Variants in CNDP2 observed in about 807,000 individuals in gnomAD.
The protein encoded by CNDP2 is carnosine dipeptidase 2.
CNDP2 carries 38 observed loss-of-function variants against 55.0 expected under a neutral mutation model. That is an observed-to-expected ratio of 0.69 (90% CI 0.53 to 0.90). The LOEUF (loss-of-function observed/expected upper bound fraction) is 0.90, where lower values mean the gene tolerates loss of function less well. Ranked by LOEUF, CNDP2 falls within the 40% of genes least tolerant of loss-of-function variation. CNDP2 has a pLI of 0.00. For missense variants in CNDP2, 607 were observed against 621.7 expected, an observed-to-expected ratio of 0.98 and a Z score of 0.25; for synonymous variants, 241 against 260.2, an observed-to-expected ratio of 0.93 and a Z score of 0.71.
At chr18:74,518,721 T>C in intron 10 of CNDP2, 81 bp downstream of exon 10, 2 of 1,584,094 alleles carry the variant, frequency 1.3e-6, no homozygotes, top group Non-Finnish European at 1.7e-6. Context: ...CGTGGGCGTG[T>C]AGCTATGTCG....
At chr18:74,497,275 G>A (rs554139987) in intron 1 of CNDP2, among the ~76,000 whole-genome samples, 2 of 152,268 alleles carry the variant, frequency 1.3e-5, no homozygotes, top group Admixed American at 6.5e-5. Context: ...TTATGCTTAG[G>A]GATCAAGTTC....
chr18:74,519,172 T>C, intron 11 of CNDP2, 76 bp downstream of exon 11: 1 of 1,499,218 alleles, frequency 6.7e-7, no homozygotes, highest in South Asian at 1.4e-5. Flanking sequence ...TCCCCCCGTG[T>C]GCAGCTGCCA....
chr18:74,519,988 C>T lies in CNDP2; in HGVS notation c.1359-11C>T. The T allele has an allele frequency of 6.2e-7, 1 of 1,613,382 alleles. No individual in the cohort carries two copies. The highest frequency in any genetic ancestry group is 1.1e-5 in the South Asian group (1 of 90,888). Reference sequence around the variant, plus strand: ...CACCAGCCAACACAATGATGTGTTCCTCTCTACCAGGTATAACTACATAGA... The same window carrying T: ...CACCAGCCAACACAATGATGTGTTCTTCTCTACCAGGTATAACTACATAGA... On this transcript the variant is annotated splice_polypyrimidine_tract_variant and intron_variant, in intron 11 of 11. Coordinates refer to ENST00000324262, the MANE Select transcript of CNDP2 (RefSeq NM_018235.3).
chr18:74,505,962 C>G lies in CNDP2; in HGVS notation c.318C>G (p.Ala106=), dbSNP rs750584245. 2 of 1,609,568 alleles carry G rather than the reference C, an allele frequency of 1.2e-6. No homozygotes were observed. Among genetic ancestry groups the G allele is most frequent in the East Asian group, 4.5e-5 (2 of 44,796 alleles). ...IYGHLDVQPA[A]LEDGWDSEPF... is the part of the protein sequence containing the mutation. ...GGCACCTGGATGTGCAGCCTGCAGC[C>G]CTGGAGGACGGCTGGGACAGCGAGC... The change falls in exon 4 of 12, where the codon GCC becomes GCG. Residue 106 remains alanine, a synonymous_variant. Coordinates refer to ENST00000324262, the MANE Select transcript of CNDP2 (RefSeq NM_018235.3).
intron 1 of CNDP2, chr18:74,499,595 T>A (rs1019876521): frequency 3.8e-5 from 8 of 209,604 alleles, no homozygotes; most frequent in Non-Finnish European, 6.7e-5. Context: ...AGTGTAAAAA[T>A]TTTTATTAAA....
At chr18:74,504,235 C>T (rs1338056938) in intron 3 of CNDP2, among the ~76,000 whole-genome samples, 1 of 149,414 alleles carries the variant, frequency 6.7e-6, no homozygotes, top group Non-Finnish European at 1.5e-5. Context: ...GCCACACACG[C>T]AGCCACAGTG....
chr18:74,503,096 T>C (rs1306433220), intron 3 of CNDP2, among the ~76,000 whole-genome samples: 1 of 149,558 alleles, frequency 6.7e-6, no homozygotes, highest in East Asian at 2.0e-4. Context: ...TCCTAATATA[T>C]TGAAAAATCT....
At chr18:74,504,993 C>T (rs994125458) in intron 3 of CNDP2, 1 of 152,210 alleles carries the variant, frequency 6.6e-6, no homozygotes, top group African/African-American at 2.4e-5. Flanking sequence ...GTCCCATTCT[C>T]CATTCCTATG....
In CNDP2 at chr18:74,513,653, C is replaced by T. The variant is rs532729183; in HGVS notation, c.837C>T (p.Asp279=). Residue 279 remains aspartate (D), a synonymous_variant, in exon 8 of 12, where the codon GAC becomes GAT. Transcript: ENST00000324262. ...VTEEEHKLYD[D]IDFDIEEFAK... ...AAGAGGAGCACAAGCTGTACGACGA[C>T]ATCGACTTTGACATAGAGGAGTTTG... The T allele has an allele frequency of 1.9e-6, 3 of 1,614,118 alleles. 1 individual carries two copies. The Admixed American group carries it at 5.0e-5, about 27-fold the overall frequency.
intron 6 of CNDP2, among the ~76,000 whole-genome samples, chr18:74,511,770 A>G (rs2144599148): frequency 6.6e-6 from 1 of 151,828 alleles, no homozygotes; most frequent in East Asian, 1.9e-4. Flanking sequence ...GCCTGGCTAG[A>G]TTCTGCCACT....
At chr18:74,518,841 A>T (rs1052370278) in intron 10 of CNDP2, 108 bp from the exon 11 acceptor site, 1 of 1,513,468 alleles carries the variant, frequency 6.6e-7, no homozygotes, top group Admixed American at 1.7e-5. Context: ...TGCTGTCCCC[A>T]GGGCCTTGCA....
At chr18:74,508,588 C>T in intron 4 of CNDP2, 1 of 455,264 alleles carries the variant, frequency 2.2e-6, no homozygotes. Flanking sequence ...CATGCCCCCA[C>T]CTGACCACCG....
intron 3 of CNDP2, among the ~76,000 whole-genome samples, chr18:74,502,488 G>GTTTTT (rs1978763701): frequency 6.8e-6 from 1 of 148,068 alleles, no homozygotes; most frequent in Admixed American, 6.7e-5. Flanking sequence ...TTTTTTTGTC[G>GTTTTT]GGATGGGGTT....
At chr18:74,518,676 G>T in intron 10 of CNDP2, 36 bp downstream of exon 10, 9 of 1,613,020 alleles carry the variant, frequency 5.6e-6, no homozygotes, top group Non-Finnish European at 6.8e-6. Context: ...GCCGCGCAGG[G>T]CCCTTCGCAC....
chr18:74,511,241 A>G, intron 6 of CNDP2: 1 of 550,730 alleles, frequency 1.8e-6, no homozygotes. Context: ...AAGGTAGGAC[A>G]GTGTGATTTG....
At chr18:74,519,123 T>G in intron 11 of CNDP2, 27 bp downstream of exon 11, 2 of 1,583,858 alleles carry the variant, frequency 1.3e-6, no homozygotes, top group Non-Finnish European at 1.7e-6. Context: ...CGGCCCAGGT[T>G]GGCGTCTCCT....
intron 5 of CNDP2, chr18:74,509,137 AG>A: frequency 1.8e-6 from 1 of 545,564 alleles, no homozygotes; most frequent in Non-Finnish European, 3.3e-6. Context: ...ATTGTTTTAC[AG>A]CTGCTTAAAG....
At position 74,499,864 on chromosome 18, in the gene CNDP2, C is replaced by G; in HGVS notation, c.-92-18C>G. Reference sequence around the variant, plus strand: ...TGGGGCAACAATTTACAATTCTGAACACGTGCTTTCTGGGCAGGTCGCCCC... The same window carrying G: ...TGGGGCAACAATTTACAATTCTGAAGACGTGCTTTCTGGGCAGGTCGCCCC... On this transcript the variant is annotated intron_variant, in intron 1 of 11. Transcript: ENST00000324262. The G allele has an allele frequency of 1.1e-6, 1 of 895,818 alleles. No homozygotes were observed. Among genetic ancestry groups the G allele is most frequent in the Non-Finnish European group, 1.8e-6 (1 of 566,712 alleles). 55.5% of individuals were successfully genotyped at this position (895,818 alleles called of 1,614,324 possible). A position where few individuals can be genotyped will look rare whatever the true frequency, so the allele number is the denominator to read the frequency against.
Position 74,519,395 on chromosome 18 carries a change from T to C in CNDP2, c.1358+299T>C, listed in dbSNP as rs529256363. Reference sequence around the variant, plus strand: ...GTTTCCTTTTTGAGGAATTGCAGTGTCATTGCTAACTGCACACGTTGCTGC... The same window carrying C: ...GTTTCCTTTTTGAGGAATTGCAGTGCCATTGCTAACTGCACACGTTGCTGC... On this transcript the variant is annotated intron_variant, in intron 11 of 11. Coordinates refer to ENST00000324262, the MANE Select transcript of CNDP2 (RefSeq NM_018235.3). 4.7e-4 allele frequency among the ~76,000 whole-genome samples: 71 copies of C among 152,346 alleles called. No individual in the cohort carries two copies. In the South Asian group the frequency reaches 0.01, roughly 22 times the overall value.
Sources: allele counts gnomAD v4.1 joint callset (sites outside exome capture counted in the v4.1 genomes callset), GRCh38; gene constraint gnomAD v4.1.1; transcripts MANE v1.5; gene names NCBI Gene and HGNC (gene_info 2026-07-23, HGNC 2026-07-21).